The following USP24 variants were observed in gnomAD, a reference collection of about 807,000 sequenced individuals.
The protein encoded by USP24 is ubiquitin specific peptidase 24, also known as ubiquitin carboxyl-terminal hydrolase 24.
USP24 carries 97 observed loss-of-function variants against 361.6 expected under a neutral mutation model. That is an observed-to-expected ratio of 0.27 (90% CI 0.23 to 0.32). The LOEUF is 0.32. USP24 is among the 10% of genes least tolerant of loss of function. The pLI, the probability that USP24 is intolerant of heterozygous loss-of-function variation, is 1.00. For missense variants in USP24, 2,353 were observed against 3,165.6 expected, an observed-to-expected ratio of 0.74 and a Z score of 6.16; for synonymous variants, 1,098 against 1,124.6, an observed-to-expected ratio of 0.98 and a Z score of 0.47.
At chr1:55,135,373 A>T (rs1646704703) in intron 28 of USP24, among the ~76,000 whole-genome samples, 2 of 152,174 alleles carry the variant, frequency 1.3e-5, no homozygotes, top group South Asian at 4.1e-4. Context: ...AATTCTCCAA[A>T]ATCGGAAACT....
Position 55,068,280 on chromosome 1 carries a change from CTTCT to C in USP24, c.*761_*764del, listed in dbSNP as rs1456115903. ...AATCTGTTTGGGGAACAACTCATAACTTCTTTAAGTAATTGATGTCAAATAATGC... is the reference window on the plus strand; with the variant it reads ...AATCTGTTTGGGGAACAACTCATAACTTAAGTAATTGATGTCAAATAATGC... On this transcript the variant is annotated 3_prime_UTR_variant, in exon 68 of 68. Transcript: ENST00000294383. 9.2e-5 allele frequency: 14 copies of C among 152,272 alleles called. No individual in the cohort carries two copies. The highest frequency in any genetic ancestry group is 1.9e-4 in the East Asian group (1 of 5,194). 9.4% of individuals were successfully genotyped at this position (152,272 alleles called of 1,614,324 possible). A position where few individuals can be genotyped will look rare whatever the true frequency, so the allele number is the denominator to read the frequency against.
intron 46 of USP24, 98 bp downstream of exon 46, chr1:55,098,378 G>C: frequency 9.1e-7 from 1 of 1,099,456 alleles, no homozygotes; most frequent in Non-Finnish European, 1.3e-6. Context: ...CAGGGAGAGA[G>C]TTCTAAGTCT....
chr1:55,174,749 T>C (rs1649785858), intron 3 of USP24, among the ~76,000 whole-genome samples: 1 of 152,260 alleles, frequency 6.6e-6, no homozygotes, highest in African/African-American at 2.4e-5. Context: ...CACTGTGATG[T>C]GTGTCACAGT....
rs1477332364 is a variant in USP24, at chr1:55,067,547, A to G, written c.*1498T>C. On this transcript the variant is annotated 3_prime_UTR_variant, in exon 68 of 68. Coordinates refer to ENST00000294383, the MANE Select transcript of USP24 (RefSeq NM_015306.3). The stretch of plus-strand genomic sequence containing the variant: ...AAACCCTCACTGCCAGAGAATGAAA[A>G]GACTGGGCCATGGCGAGAGCACAGT... 6.6e-6 allele frequency: 1 copy of G among 152,252 alleles called. No individual in the cohort carries two copies. The highest frequency in any genetic ancestry group is 1.5e-5 in the Non-Finnish European group (1 of 68,052). The allele number at this position is 152,252 out of a possible 1,614,324, so 9.4% of individuals were successfully genotyped here.
At chr1:55,105,267 T>C (rs1056758925) in intron 41 of USP24, among the ~76,000 whole-genome samples, 6 of 152,164 alleles carry the variant, frequency 3.9e-5, no homozygotes, top group African/African-American at 1.4e-4. Context: ...GGGGTAGCAA[T>C]GAGGATGGGA....
In USP24 at chr1:55,097,479, T is replaced by A. The variant is rs865874055; in HGVS notation, c.5715+119A>T. On this transcript the variant is annotated intron_variant, in intron 48 of 67. Transcript: ENST00000294383. ...GCTGCCTAAGATAAGGGGCTCTTCA[T>A]AATGCTGAGACAACAGCCTTAACAT... 1.9e-5 allele frequency: 27 copies of A among 1,410,704 alleles called. No homozygotes were observed. In the African/African-American group the frequency reaches 3.8e-4, roughly 20 times the overall value. The allele number at this position is 1,410,704 out of a possible 1,614,324, so 87.4% of individuals were successfully genotyped here.
At chr1:55,190,502 T>C (rs965604184) in intron 1 of USP24, among the ~76,000 whole-genome samples, 10 of 152,226 alleles carry the variant, frequency 6.6e-5, no homozygotes, top group East Asian at 3.9e-4. Flanking sequence ...TATCGTTCTA[T>C]TGCAAAATGT....
At chr1:55,147,452 CA>C (rs937835660) in intron 18 of USP24, among the ~76,000 whole-genome samples, 196 bp downstream of exon 18, 2 of 151,552 alleles carry the variant, frequency 1.3e-5, no homozygotes, top group African/African-American at 2.4e-5. Context: ...AGATCAAAGA[CA>C]AAAAAAAGAT....
chr1:55,117,745 A>AAT (rs1646161657), intron 38 of USP24, among the ~76,000 whole-genome samples: 8 of 147,912 alleles, frequency 5.4e-5, no homozygotes, highest in Admixed American at 5.4e-4. Context: ...TCCGTCTCAA[A>AAT]AAAAAAAAAA....
chr1:55,178,621 A>T (rs1031026676), intron 1 of USP24, among the ~76,000 whole-genome samples: 5 of 151,888 alleles, frequency 3.3e-5, no homozygotes, highest in African/African-American at 1.2e-4. Flanking sequence ...GTGAGCAGAG[A>T]GCTGAGATTG....
chr1:55,092,270 T>C, intron 53 of USP24, 144 bp from the exon 54 acceptor site: 1 of 493,148 alleles, frequency 2.0e-6, no homozygotes, highest in African/African-American at 2.0e-5. Flanking sequence ...AAGAAGAATC[T>C]TGCCAGTTCA....
At chr1:55,156,240 T>C (rs1159473941) in intron 12 of USP24, among the ~76,000 whole-genome samples, 3 of 152,166 alleles carry the variant, frequency 2.0e-5, no homozygotes, top group Admixed American at 1.3e-4. Context: ...TTAGATATAC[T>C]GCATTGGAGC....
chr1:55,204,223 G>GT (rs976929111), intron 1 of USP24, among the ~76,000 whole-genome samples: 79 of 152,120 alleles, frequency 5.2e-4, no homozygotes, highest in African/African-American at 1.8e-3. Context: ...TCTAAAGTAA[G>GT]TTTTTTTATT....
rs376602296 is a variant in USP24 at position 55,176,380 on chromosome 1, T to G, written c.554A>C (p.Lys185Thr). ...FMDRCMPEAF[K>T]KLLTSSAVHK... ...ACAGCAGCACATTTTTCTTACCTTT[T>G]TAAATGCTTCAGGCATACACCTGTC... Residue 185 changes from lysine (K) to threonine (T), a missense_variant, in exon 3 of 68, where the codon AAA (lysine) becomes ACA (threonine). Lys to Thr is a moderately conservative substitution (Grantham distance 78). Coordinates refer to ENST00000294383, the MANE Select transcript of USP24 (RefSeq NM_015306.3). 2 of 1,567,794 alleles carry G rather than the reference T, an allele frequency of 1.3e-6. No homozygotes were observed. Among genetic ancestry groups the G allele is most frequent in the African/African-American group, 1.4e-5 (1 of 73,978 alleles).
rs1645830487 is a variant in USP24 at position 55,107,857 on chromosome 1, A to AAAAC, written c.4571-428_4571-427insGTTT. On this transcript the variant is annotated intron_variant, in intron 39 of 67. Coordinates refer to ENST00000294383, the MANE Select transcript of USP24 (RefSeq NM_015306.3). ...ACTCTGTCTCAAAAAAAAAAAAAAA[A>AAAAC]AAAAAAAAACACACAAAAACCCCAC... is the stretch of plus-strand genomic sequence containing the variant. 2.7e-5 allele frequency among the ~76,000 whole-genome samples: 4 copies of AAAAC among 148,612 alleles called. No homozygotes were observed. The South Asian group carries it at 8.5e-4, about 31-fold the overall frequency.
intron 60 of USP24, among the ~76,000 whole-genome samples, 154 bp downstream of exon 60, chr1:55,079,384 C>T (rs1645096334): frequency 6.6e-6 from 1 of 152,224 alleles, no homozygotes; most frequent in Non-Finnish European, 1.5e-5. Flanking sequence ...ATAACATTCT[C>T]TTCCACTAAT....
At chr1:55,172,803 G>A (rs764795483) in intron 3 of USP24, among the ~76,000 whole-genome samples, 4 of 152,106 alleles carry the variant, frequency 2.6e-5, no homozygotes, top group East Asian at 1.9e-4. Context: ...ACAAGGGTAG[G>A]TCAAATGGTG....
rs556604614 is a variant in USP24, at chr1:55,098,652, C to T, written c.5371-94G>A. 13 of 861,740 alleles carry T rather than the reference C, an allele frequency of 1.5e-5. No individual in the cohort carries two copies. The South Asian group carries it at 2.0e-4, about 13-fold the overall frequency. 53.4% of individuals were successfully genotyped at this position (861,740 alleles called of 1,614,324 possible). ...ACACATTGCAATTTAAGGACCAAAA[C>T]AAAACGCGTCATTCTGGTAGTATCA... On this transcript the variant is annotated intron_variant, in intron 45 of 67. Coordinates refer to ENST00000294383, the MANE Select transcript of USP24 (RefSeq NM_015306.3).
intron 1 of USP24, among the ~76,000 whole-genome samples, chr1:55,181,323 T>C (rs995177299): frequency 6.6e-6 from 1 of 151,978 alleles, no homozygotes; most frequent in African/African-American, 2.4e-5. Context: ...TAGAAGACAA[T>C]GTAAATTGGA....
Sources: gnomAD v4.1 joint callset for allele counts (sites outside exome capture counted in the v4.1 genomes callset) on GRCh38, gnomAD v4.1.1 for gene constraint, MANE v1.5 for transcripts, NCBI Gene and HGNC (gene_info 2026-07-23, HGNC 2026-07-21) for gene names.